KSR1: variants seen among roughly 807,000 people sequenced by gnomAD.
KSR1 encodes kinase suppressor of ras.
Under a neutral mutation model 92.9 loss-of-function variants are expected in KSR1, and 35 were observed. The ratio of observed to expected loss-of-function variants is 0.38; its 90% CI spans 0.29 to 0.50. The LOEUF (loss-of-function observed/expected upper bound fraction) is 0.50, where lower values mean the gene tolerates loss of function less well. KSR1 is among the 20% of genes least tolerant of loss of function. The pLI is 0.94. For missense variants in KSR1, 972 were observed against 1,158.5 expected (o/e 0.84, Z 2.34); for synonymous variants, 467 against 472.6 (o/e 0.99, Z 0.15).
intron 1 of KSR1, among the ~76,000 whole-genome samples, chr17:27,467,260 G>C (rs2019740471): frequency 1.3e-5 from 2 of 152,228 alleles, no homozygotes. Context: ...TGTTAGCATA[G>C]GATAATTTTG....
intron 1 of KSR1, among the ~76,000 whole-genome samples, chr17:27,481,305 G>A (rs2068501639): frequency 6.6e-6 from 1 of 152,158 alleles, no homozygotes; most frequent in Admixed American, 6.5e-5. Context: ...TTGTGACCCA[G>A]CGTCCTGAGC....
chr17:27,613,745 G>A (rs1234545245), intron 18 of KSR1, among the ~76,000 whole-genome samples: 3 of 152,240 alleles, frequency 2.0e-5, no homozygotes, highest in Admixed American at 1.3e-4. Context: ...TGTGGCTGCA[G>A]CCTCCTTGGC....
chr17:27,491,801 G>C (rs142792573), intron 1 of KSR1, among the ~76,000 whole-genome samples: 1 of 152,284 alleles, frequency 6.6e-6, no homozygotes, highest in African/African-American at 2.4e-5. Flanking sequence ...AGTGTGTGCA[G>C]CAGGAGAGCT....
intron 1 of KSR1, among the ~76,000 whole-genome samples, chr17:27,549,100 A>G (rs999227810): frequency 1.3e-5 from 2 of 152,150 alleles, no homozygotes; most frequent in African/African-American, 2.4e-5. Context: ...GGGTTTTTGG[A>G]TTCGAAATGC....
Position 27,605,421 on chromosome 17 carries a change from G to A in KSR1, c.1615-13G>A. The A allele has an allele frequency of 2.5e-6, 4 of 1,605,356 alleles. No homozygotes were observed. Among genetic ancestry groups the A allele is most frequent in the Non-Finnish European group, 3.4e-6 (4 of 1,178,202 alleles). The stretch of plus-strand genomic sequence containing the variant: ...TCTGCTGCCCATCCCTGTTCTTCCT[G>A]CTCTCCTTTCAGGCTGAGGAGCCAG... On this transcript the variant is annotated splice_polypyrimidine_tract_variant and intron_variant, in intron 13 of 20. Coordinates refer to ENST00000644974, the MANE Select transcript of KSR1 (RefSeq NM_001394583.1).
chr17:27,613,416 G>A (rs1006197707), intron 18 of KSR1, among the ~76,000 whole-genome samples: 1 of 152,150 alleles, frequency 6.6e-6, no homozygotes, highest in Non-Finnish European at 1.5e-5. Context: ...AAACCTCTCA[G>A]CAAAAAAGAG....
intron 11 of KSR1, among the ~76,000 whole-genome samples, chr17:27,602,208 T>A (rs2073588974): frequency 6.6e-6 from 1 of 152,004 alleles, no homozygotes; most frequent in Admixed American, 6.6e-5. Context: ...CATTAGGGGG[T>A]TGACTTGGAG....
intron 2 of KSR1, among the ~76,000 whole-genome samples, chr17:27,551,946 C>T (rs989100563): frequency 6.6e-6 from 1 of 152,276 alleles, no homozygotes; most frequent in Non-Finnish European, 1.5e-5. Flanking sequence ...TCAGGATAAA[C>T]GCCAGATGCC....
chr17:27,598,807 T>C (rs778822789), intron 10 of KSR1, among the ~76,000 whole-genome samples: 1 of 152,068 alleles, frequency 6.6e-6, no homozygotes, highest in Non-Finnish European at 1.5e-5. Flanking sequence ...GGCCTCACTC[T>C]CTCCAAGATC....
chr17:27,516,185 T>C (rs1036872147), intron 1 of KSR1, among the ~76,000 whole-genome samples: 4 of 152,194 alleles, frequency 2.6e-5, no homozygotes, highest in Admixed American at 1.3e-4. Flanking sequence ...CTGATCTCTG[T>C]CTGTTTTCTC....
At chr17:27,611,965 TA>T (rs1255918588) in intron 18 of KSR1, among the ~76,000 whole-genome samples, 1 of 152,112 alleles carries the variant, frequency 6.6e-6, no homozygotes, top group East Asian at 1.9e-4. Context: ...TAATTTTTTT[TA>T]AAAAAATCAC....
In KSR1 at chr17:27,559,038, A is replaced by G. The variant is rs570401913; in HGVS notation, c.372+8330A>G. 1.3e-5 allele frequency among the ~76,000 whole-genome samples: 2 copies of G among 152,288 alleles called. No homozygotes were observed. The highest frequency in any genetic ancestry group is 1.9e-4 in the East Asian group (1 of 5,190). On this transcript the variant is annotated intron_variant, in intron 2 of 20. Coordinates refer to ENST00000644974, the MANE Select transcript of KSR1 (RefSeq NM_001394583.1). This position sits in a 1 kb window ranked among gnomAD's most constrained non-coding sequence, Gnocchi z 4.2. ...TTTCCATATTGTTTTCCTAAGGGCC[A>G]TCCCTGCAGGGTTATCTAAATACCA...
intron 9 of KSR1, among the ~76,000 whole-genome samples, chr17:27,595,209 T>G (rs1170591535): frequency 6.6e-6 from 1 of 152,242 alleles, no homozygotes; most frequent in Non-Finnish European, 1.5e-5. Context: ...GAATTGATGT[T>G]TGCATTCAGG....
chr17:27,581,279 C>G (rs1052427686), intron 3 of KSR1, among the ~76,000 whole-genome samples: 10 of 152,122 alleles, frequency 6.6e-5, no homozygotes, highest in African/African-American at 2.2e-4. Flanking sequence ...AAACCACGCC[C>G]ATGATCCAGT....
At chr17:27,591,783 C>G (rs1276632259) in intron 7 of KSR1, among the ~76,000 whole-genome samples, 1 of 152,134 alleles carries the variant, frequency 6.6e-6, no homozygotes, top group Admixed American at 6.5e-5. Context: ...CCAGGGCTGT[C>G]CTGCGGTGCA....
rs923901086 is a variant in KSR1 at position 27,518,961 on chromosome 17, A to G, written c.232-31607A>G. Among the ~76,000 whole-genome samples, 5 of 152,280 alleles carry G rather than the reference A, an allele frequency of 3.3e-5. No individual in the cohort carries two copies. In the East Asian group the frequency reaches 9.6e-4, roughly 29 times the overall value. ...ATAGCACAGTAGCTGTGAGGAAGTG[A>G]CCGCTCAGGTGTTGGGTGATGTGTC... On this transcript the variant is annotated intron_variant, in intron 1 of 20. Coordinates refer to ENST00000644974, the MANE Select transcript of KSR1 (RefSeq NM_001394583.1).
At chr17:27,531,168 G>A (rs115091941) in intron 1 of KSR1, among the ~76,000 whole-genome samples, 1,761 of 152,302 alleles carry the variant, frequency 0.012, 25 homozygotes, top group African/African-American at 0.04. Flanking sequence ...TTCGCCTCTC[G>A]GTTTGTGTTT....
At chr17:27,545,511 C>T (rs1435186837) in intron 1 of KSR1, among the ~76,000 whole-genome samples, 1 of 152,198 alleles carries the variant, frequency 6.6e-6, no homozygotes, top group Non-Finnish European at 1.5e-5. Context: ...CATGGCAAGA[C>T]CCCATCTCTA....
In KSR1 at chr17:27,617,311, G is replaced by C; in HGVS notation, c.2510G>C (p.Cys837Ser). The change falls in exon 19 of 21, where the codon TGC (cysteine) becomes TCC (serine). Residue 837 changes from cysteine to serine, a missense_variant. Physicochemically the swap from Cys to Ser is moderately radical, Grantham distance 112. Around this residue, in one of 5 missense-constraint regions of KSR1, gnomAD observed 260 missense variants for 375.2 expected, o/e 0.69. Coordinates refer to ENST00000644974, the MANE Select transcript of KSR1 (RefSeq NM_001394583.1). Reference sequence around the variant, plus strand: ...CATTTGCAGGAGATCCTGTCGGCCTGCTGGGCTTTCGACCTGCAGGAGAGA... The same window carrying C: ...CATTTGCAGGAGATCCTGTCGGCCTCCTGGGCTTTCGACCTGCAGGAGAGA... ...GKEVSEILSA[C>S]WAFDLQERPS... 6.2e-7 allele frequency: 1 copy of C among 1,609,426 alleles called. No homozygotes were observed. The highest frequency in any genetic ancestry group is 8.5e-7 in the Non-Finnish European group (1 of 1,177,106).
Sources: allele counts gnomAD v4.1 joint callset (sites outside exome capture counted in the v4.1 genomes callset), GRCh38; gene constraint gnomAD v4.1.1; regional missense constraint gnomAD v4.1.1; non-coding constraint Gnocchi (gnomAD v3.1); transcripts MANE v1.5; gene names NCBI Gene and HGNC (gene_info 2026-07-23, HGNC 2026-07-21).